IRAK3: variants seen among roughly 807,000 people sequenced by gnomAD.
The protein encoded by IRAK3 is interleukin 1 receptor associated kinase 3.
Under a neutral mutation model 56.6 loss-of-function variants are expected in IRAK3, and 57 were observed. The ratio of observed to expected loss-of-function variants is 1.01; its 90% CI spans 0.81 to 1.26. The LOEUF (loss-of-function observed/expected upper bound fraction) is 1.26. IRAK3 is among the 50% of genes most tolerant of loss of function. IRAK3 has a pLI of 0.00. For missense variants in IRAK3, 703 were observed against 719.0 expected, an observed-to-expected ratio of 0.98 and a Z score of 0.25; for synonymous variants, 258 against 255.7, an observed-to-expected ratio of 1.01 and a Z score of -0.09.
At position 66,250,925 on chromosome 12, in the gene IRAK3, C is replaced by T. The variant is rs527393411; in HGVS notation, c.*2754C>T. On this transcript the variant is annotated 3_prime_UTR_variant, in exon 12 of 12. Transcript: ENST00000261233. The stretch of plus-strand genomic sequence containing the variant: ...ATGCTGATGCCAATGATGTGAAGCC[C>T]GCTCTTCACATCCGTGAAAATCGCT... The T allele has an allele frequency of 2.0e-5, 3 of 152,316 alleles. No homozygotes were observed. The highest frequency in any genetic ancestry group is 2.1e-4 in the South Asian group (1 of 4,828). 9.4% of individuals were successfully genotyped at this position (152,316 alleles called of 1,614,324 possible).
intron 6 of IRAK3, among the ~76,000 whole-genome samples, chr12:66,219,033 CGTGT>C (rs375772585): frequency 8.7e-5 from 13 of 149,336 alleles, no homozygotes; most frequent in South Asian, 2.1e-4. Flanking sequence ...AATATTCCAT[CGTGT>C]GTGTGTGTGT....
chr12:66,228,149 C>T, intron 7 of IRAK3, 103 bp from the exon 8 acceptor site: 1 of 871,460 alleles, frequency 1.1e-6, no homozygotes. Flanking sequence ...CACCTCACCC[C>T]ACCTTGCTAT....
At position 66,189,441 on chromosome 12, in the gene IRAK3, G is replaced by A; in HGVS notation, c.133+9G>A. 1 of 1,237,394 alleles carries A rather than the reference G, an allele frequency of 8.1e-7. No homozygotes were observed. The highest frequency in any genetic ancestry group is 3.4e-5 in the East Asian group (1 of 29,728). 76.7% of individuals were successfully genotyped at this position (1,237,394 alleles called of 1,614,324 possible). Reference sequence around the variant, plus strand: ...GGGCTGGCGCGGCCTGGGTGAGTCGGCGGGGACCGGCCGGGGGCGGCGGGG... The same window carrying A: ...GGGCTGGCGCGGCCTGGGTGAGTCGACGGGGACCGGCCGGGGGCGGCGGGG... On this transcript the variant is annotated intron_variant, in intron 1 of 11. Transcript: ENST00000261233.
chr12:66,220,800 G>T (rs567556175), intron 6 of IRAK3, among the ~76,000 whole-genome samples: 3 of 152,018 alleles, frequency 2.0e-5, no homozygotes, highest in Admixed American at 6.6e-5. Context: ...GATTACAGGC[G>T]TGAGCCACCG....
chr12:66,227,602 T>TAAAC (rs68037430), intron 7 of IRAK3, among the ~76,000 whole-genome samples: 2 of 150,860 alleles, frequency 1.3e-5, no homozygotes, highest in African/African-American at 2.4e-5. Flanking sequence ...AATAAATAAA[T>TAAAC]AAACAAACAA....
intron 5 of IRAK3, among the ~76,000 whole-genome samples, chr12:66,216,660 T>C (rs766197523): frequency 1.3e-5 from 2 of 152,228 alleles, no homozygotes; most frequent in Non-Finnish European, 2.9e-5. Context: ...CTCTGGGCTA[T>C]CTTCTAAAGC....
chr12:66,190,762 G>T (rs113895293), intron 1 of IRAK3, among the ~76,000 whole-genome samples: 8 of 152,246 alleles, frequency 5.3e-5, no homozygotes, highest in African/African-American at 1.9e-4. Flanking sequence ...GGTACAAATT[G>T]GTTAAGTAAC....
chr12:66,207,497 A>G (rs1275230572), intron 2 of IRAK3, among the ~76,000 whole-genome samples: 2 of 149,272 alleles, frequency 1.3e-5, no homozygotes, highest in Non-Finnish European at 2.9e-5. Context: ...AAAACAGCAA[A>G]CAAACAAAAA....
At chr12:66,207,767 T>G (rs1050634651) in intron 2 of IRAK3, among the ~76,000 whole-genome samples, 1 of 152,222 alleles carries the variant, frequency 6.6e-6, no homozygotes, top group African/African-American at 2.4e-5. Flanking sequence ...TCTCATGACT[T>G]CTTTTTTAAT....
chr12:66,219,186 A>G (rs1032612124), intron 6 of IRAK3, among the ~76,000 whole-genome samples: 1 of 152,158 alleles, frequency 6.6e-6, no homozygotes, highest in African/African-American at 2.4e-5. Context: ...TCTTTGAGAT[A>G]CTGATTTTAT....
At chr12:66,193,685 G>A (rs1417354268) in intron 1 of IRAK3, among the ~76,000 whole-genome samples, 3 of 151,938 alleles carry the variant, frequency 2.0e-5, no homozygotes, top group Admixed American at 1.3e-4. Context: ...CCTCAACTGC[G>A]ATTTGTCTGA....
chr12:66,193,625 T>TTGTTTTTGATGA (rs1167817579), intron 1 of IRAK3, among the ~76,000 whole-genome samples: 10,733 of 83,958 alleles, frequency 0.13, 1,241 homozygotes, highest in African/African-American at 0.4. Flanking sequence ...CAGACTTTCC[T>TTGTTTTTGATGA]CGTTTTGAGG....
At chr12:66,194,339 A>G (rs996137667) in intron 1 of IRAK3, among the ~76,000 whole-genome samples, 4 of 152,112 alleles carry the variant, frequency 2.6e-5, no homozygotes, top group Admixed American at 2.6e-4. Context: ...CAAAAGGGCT[A>G]TTTATACTCC....
At chr12:66,234,756 T>G in intron 8 of IRAK3, 2 of 1,593,954 alleles carry the variant, frequency 1.3e-6, no homozygotes, top group East Asian at 4.5e-5. Flanking sequence ...ACACCACGAC[T>G]TGTACCACTG....
Position 66,217,206 on chromosome 12 carries a change from G to GT in IRAK3, c.629dup (p.Leu210PhefsTer3), listed in dbSNP as rs2052685750. Reference sequence around the variant, plus strand: ...TGCAGTGTAAGAAGCATTGGAAGAGGTTTTTATCTGAGCTTGAAGTTTTAC... The same window carrying GT: ...TGCAGTGTAAGAAGCATTGGAAGAGGTTTTTTATCTGAGCTTGAAGTTTTAC... On this transcript the variant is annotated frameshift_variant, in exon 6 of 12. Transcript: ENST00000261233. LOFTEE classifies it high-confidence loss of function. The GT allele has an allele frequency of 6.2e-7, 1 of 1,611,848 alleles. No individual in the cohort carries two copies.
chr12:66,234,659 A>C, intron 8 of IRAK3: 1 of 1,610,020 alleles, frequency 6.2e-7, no homozygotes. Context: ...GGGGGCAGAA[A>C]CTCCTGGTGG....
chr12:66,189,541 C>T (rs931417229), intron 1 of IRAK3, 109 bp downstream of exon 1: 1 of 754,474 alleles, frequency 1.3e-6, no homozygotes, highest in South Asian at 6.3e-5. Flanking sequence ...GGCGCGGCCT[C>T]CGGGAAGTTC....
intron 8 of IRAK3, among the ~76,000 whole-genome samples, chr12:66,236,679 C>A (rs530873416): frequency 1.2e-3 from 189 of 152,220 alleles, no homozygotes; most frequent in South Asian, 6.0e-3. Flanking sequence ...CGGAGCCAAC[C>A]AAGACAGTCT....
chr12:66,242,840 G>A (rs145173409), intron 8 of IRAK3, among the ~76,000 whole-genome samples: 2,867 of 152,314 alleles, frequency 0.019, 93 homozygotes, highest in African/African-American at 0.063. Context: ...TCGGGAGGCC[G>A]AGGCGGGTGG....
Sources: gnomAD v4.1 joint callset for allele counts (sites outside exome capture counted in the v4.1 genomes callset) on GRCh38, gnomAD v4.1.1 for gene constraint, MANE v1.5 for transcripts, NCBI Gene and HGNC (gene_info 2026-07-23, HGNC 2026-07-21) for gene names.